The following KIAA0232 variants were observed in gnomAD, a reference collection of about 807,000 sequenced individuals.
KIAA0232 encodes uncharacterized protein KIAA0232.
Under a neutral mutation model 122.0 loss-of-function variants are expected in KIAA0232, and 27 were observed. The observed-to-expected ratio is 0.22, with a 90% CI of 0.16 to 0.31. The LOEUF is 0.31. Among genes scored for constraint, KIAA0232 ranks in the 10% least tolerant of loss-of-function variants. The pLI, the probability that KIAA0232 is intolerant of heterozygous loss-of-function variation, is 1.00. For missense variants in KIAA0232, 1,551 were observed against 1,634.2 expected (o/e 0.95, Z 0.88); for synonymous variants, 613 against 587.6 (o/e 1.04, Z -0.63).
chr4:6,849,477 G>A (rs781246387), intron 4 of KIAA0232, among the ~76,000 whole-genome samples: 8 of 152,208 alleles, frequency 5.3e-5, no homozygotes, highest in African/African-American at 1.4e-4. Flanking sequence ...TTAACCGGAC[G>A]TGGTGGCGCC....
chr4:6,830,547 C>T (rs1435224975), intron 3 of KIAA0232, among the ~76,000 whole-genome samples: 1 of 151,348 alleles, frequency 6.6e-6, no homozygotes, highest in Admixed American at 6.6e-5. Context: ...AGCTAGATTA[C>T]AGGCGTGCAT....
At chr4:6,879,095 T>G (rs1721919871) in intron 9 of KIAA0232, among the ~76,000 whole-genome samples, 1 of 152,116 alleles carries the variant, frequency 6.6e-6, no homozygotes, top group African/African-American at 2.4e-5. Flanking sequence ...TCTCCATCAT[T>G]ACCACTTTGT....
At chr4:6,865,663 G>C (rs183717154) in intron 7 of KIAA0232, among the ~76,000 whole-genome samples, 14 of 152,316 alleles carry the variant, frequency 9.2e-5, no homozygotes, top group Middle Eastern at 3.4e-3. Flanking sequence ...CCAGAGAGCA[G>C]ATGAGTGTTG....
At chr4:6,859,118 A>G (rs1720719082) in intron 6 of KIAA0232, among the ~76,000 whole-genome samples, 1 of 151,538 alleles carries the variant, frequency 6.6e-6, no homozygotes, top group South Asian at 2.1e-4. Flanking sequence ...AAAAAAAAAA[A>G]AAAAACAAGA....
chr4:6,876,793 C>G (rs772839485), intron 9 of KIAA0232, 36 bp downstream of exon 9: 2 of 1,399,318 alleles, frequency 1.4e-6, no homozygotes, highest in Non-Finnish European at 2.0e-6. Flanking sequence ...CATTAACTTA[C>G]AAACAGCCAC....
rs1452792244 is a variant in KIAA0232 at position 6,807,028 on chromosome 4, G to GTCTATCTA, written c.-270+2425_-270+2426insATCTATCT. On this transcript the variant is annotated intron_variant, in intron 2 of 9. Transcript: ENST00000307659. ...ATTGGTTTTTCCTTTTTGTCTGTCT[G>GTCTATCTA]TCTGTCTATCTATCTATCTATCTAT... 4.7e-3 allele frequency among the ~76,000 whole-genome samples: 534 copies of GTCTATCTA among 113,200 alleles called. 1 individual carries two copies. Among genetic ancestry groups the GTCTATCTA allele is most frequent in the African/African-American group, 0.015 (496 of 32,796 alleles). 74.3% of individuals were successfully genotyped at this position (113,200 alleles called of 152,430 possible). A position where few individuals can be genotyped will look rare whatever the true frequency, so the allele number is the denominator to read the frequency against.
chr4:6,830,019 C>A (rs1459855365), intron 3 of KIAA0232, among the ~76,000 whole-genome samples: 1 of 152,172 alleles, frequency 6.6e-6, no homozygotes, highest in Non-Finnish European at 1.5e-5. Context: ...CAGCATAATG[C>A]ATTCTTTGTT....
chr4:6,884,152 A>T lies in KIAA0232; in HGVS notation c.*3186A>T, dbSNP rs932742530. 6.6e-6 allele frequency: 1 copy of T among 152,236 alleles called. No homozygotes were observed. The highest frequency in any genetic ancestry group is 1.5e-5 in the Non-Finnish European group (1 of 68,050). The allele number at this position is 152,236 out of a possible 1,614,324, so 9.4% of individuals were successfully genotyped here. A position where few individuals can be genotyped will look rare whatever the true frequency, so the allele number is the denominator to read the frequency against. On this transcript the variant is annotated 3_prime_UTR_variant, in exon 10 of 10. Coordinates refer to ENST00000307659, the MANE Select transcript of KIAA0232 (RefSeq NM_014743.3). ...AATGGAATTAAAAGAAAAATAAAAAAATATAAACTTTATTTCTCAACATAA... is the reference window on the plus strand; with the variant it reads ...AATGGAATTAAAAGAAAAATAAAAATATATAAACTTTATTTCTCAACATAA...
At chr4:6,839,625 C>T (rs1719537281) in intron 3 of KIAA0232, among the ~76,000 whole-genome samples, 1 of 152,024 alleles carries the variant, frequency 6.6e-6, no homozygotes, top group Admixed American at 6.6e-5. Flanking sequence ...ATAGGAGGGG[C>T]CTGATGCTGT....
At chr4:6,860,638 G>T (rs1560198974) in intron 6 of KIAA0232, among the ~76,000 whole-genome samples, 1 of 152,164 alleles carries the variant, frequency 6.6e-6, no homozygotes, top group Non-Finnish European at 1.5e-5. Flanking sequence ...AAACTTTGAA[G>T]ATAAAAACTG....
At chr4:6,873,711 T>TC (rs1721613351) in intron 8 of KIAA0232, among the ~76,000 whole-genome samples, 1 of 152,180 alleles carries the variant, frequency 6.6e-6, no homozygotes, top group Non-Finnish European at 1.5e-5. Flanking sequence ...TACATAATAT[T>TC]TTTGTTTTTA....
At chr4:6,865,330 C>T (rs1356426749) in intron 7 of KIAA0232, among the ~76,000 whole-genome samples, 7 of 152,316 alleles carry the variant, frequency 4.6e-5, no homozygotes, top group East Asian at 1.9e-4. Context: ...GACAGAGTCT[C>T]GCTCTGTCGC....
Position 6,864,111 on chromosome 4 carries a change from T to G in KIAA0232, c.3729T>G (p.Phe1243Leu). The change falls in exon 7 of 10, where the codon TTT (phenylalanine) becomes TTG (leucine). Residue 1243 changes from phenylalanine (F) to leucine (L), a missense_variant. Physicochemically the swap from Phe to Leu is conservative, Grantham distance 22. Transcript: ENST00000307659. ...MAQCEEEINN[F>L]CGCKAGCQFP... ...AATGCGAGGAAGAAATTAATAATTTTTGTGGTTGCAAAGCAGGTTGTCAGT... is the reference window on the plus strand; with the variant it reads ...AATGCGAGGAAGAAATTAATAATTTGTGTGGTTGCAAAGCAGGTTGTCAGT... The G allele has an allele frequency of 6.2e-7, 1 of 1,614,130 alleles. No homozygotes were observed. The highest frequency in any genetic ancestry group is 8.5e-7 in the Non-Finnish European group (1 of 1,180,016).
intron 1 of KIAA0232, among the ~76,000 whole-genome samples, chr4:6,800,740 G>C (rs1287920366): frequency 2.0e-5 from 3 of 152,056 alleles, no homozygotes; most frequent in African/African-American, 7.2e-5. Context: ...TTTGAATTCT[G>C]TAAATGAAGT....
chr4:6,791,531 G>A (rs530632677), intron 1 of KIAA0232, among the ~76,000 whole-genome samples: 10 of 151,662 alleles, frequency 6.6e-5, no homozygotes, highest in Admixed American at 2.0e-4. Flanking sequence ...GTTTTACCAC[G>A]TTACCCAGGC....
At position 6,795,419 on chromosome 4, in the gene KIAA0232, C is replaced by T. The variant is rs536041424; in HGVS notation, c.-353-9104C>T. On this transcript the variant is annotated intron_variant, in intron 1 of 9. Transcript: ENST00000307659. ...CATGCAGCTAATCTGAATTGAGATG[C>T]GCTGTGTCAATTATGTACCAGATGC... Among the ~76,000 whole-genome samples the T allele has an allele frequency of 3.9e-5, 6 of 152,210 alleles. No individual in the cohort carries two copies. The South Asian group carries it at 8.3e-4, about 21-fold the overall frequency.
chr4:6,863,912 C>T lies in KIAA0232; in HGVS notation c.3530C>T (p.Pro1177Leu). 2 of 1,613,914 alleles carry T rather than the reference C, an allele frequency of 1.2e-6. No homozygotes were observed. Among genetic ancestry groups the T allele is most frequent in the Non-Finnish European group, 1.7e-6 (2 of 1,179,988 alleles). ...KSELESGKFL[P>L]RLKKSGMEKS... is the part of the protein sequence containing the mutation. ...GAGCTTGAGTCTGGAAAATTCCTTC[C>T]CAGGTTAAAAAAATCTGGGATGGAA... Residue 1177 changes from proline (P) to leucine (L), a missense_variant, in exon 7 of 10, where the codon CCC (proline) becomes CTC (leucine). By Grantham distance (98) the Pro-to-Leu change is moderately conservative. Around this residue, in one of 5 missense-constraint regions of KIAA0232, gnomAD observed 1,108 missense variants for 1,154.8 expected, o/e 0.96. Transcript: ENST00000307659.
At chr4:6,858,902 G>A (rs1173735842) in intron 6 of KIAA0232, among the ~76,000 whole-genome samples, 1 of 152,030 alleles carries the variant, frequency 6.6e-6, no homozygotes, top group Non-Finnish European at 1.5e-5. Flanking sequence ...CTGAGGTCAG[G>A]AGTTTGAGAC....
intron 8 of KIAA0232, among the ~76,000 whole-genome samples, chr4:6,874,001 G>T (rs182188610): frequency 6.6e-6 from 1 of 152,278 alleles, no homozygotes; most frequent in African/African-American, 2.4e-5. Flanking sequence ...CTGAGCCAGG[G>T]GCTGACCTGG....
Sources: allele counts gnomAD v4.1 joint callset (sites outside exome capture counted in the v4.1 genomes callset), GRCh38; gene constraint gnomAD v4.1.1; regional missense constraint gnomAD v4.1.1; transcripts MANE v1.5; gene names NCBI Gene and HGNC (gene_info 2026-07-23, HGNC 2026-07-21).